The following ARF4 variants were observed in gnomAD, a reference collection of about 807,000 sequenced individuals.
The protein encoded by ARF4 is ADP-ribosylation factor 4.
In ARF4, 5 loss-of-function variants were observed where a neutral mutation model predicts 24.3. The observed-to-expected ratio is 0.21, with a 90% CI of 0.11 to 0.43. ARF4 has a LOEUF of 0.43. Ranked by LOEUF, ARF4 falls within the 20% of genes least tolerant of loss-of-function variation. ARF4 has a pLI of 1.00. For synonymous variants in ARF4, 62 were observed against 73.5 expected, an observed-to-expected ratio of 0.84 and a Z score of 0.80; for missense variants, 107 against 213.0, an observed-to-expected ratio of 0.50 and a Z score of 3.10.
intron 1 of ARF4, among the ~76,000 whole-genome samples, chr3:57,595,312 A>G (rs2070167271): frequency 6.6e-6 from 1 of 152,234 alleles, no homozygotes; most frequent in Admixed American, 6.5e-5. Flanking sequence ...GAACATAACC[A>G]TATATTGTTA....
intron 1 of ARF4, among the ~76,000 whole-genome samples, chr3:57,589,392 C>T (rs1261799298): frequency 1.3e-5 from 2 of 151,982 alleles, no homozygotes; most frequent in Admixed American, 6.6e-5. Flanking sequence ...CACACCACTG[C>T]AATTCAGCGT....
chr3:57,576,492 GT>G (rs2069904149), intron 4 of ARF4, among the ~76,000 whole-genome samples: 1 of 144,336 alleles, frequency 6.9e-6, no homozygotes, highest in African/African-American at 2.6e-5. Flanking sequence ...TGTGAAGTAT[GT>G]CTCAACCAAG....
chr3:57,586,205 A>G (rs570177856), intron 1 of ARF4, among the ~76,000 whole-genome samples: 3 of 152,328 alleles, frequency 2.0e-5, no homozygotes, highest in African/African-American at 7.2e-5. Flanking sequence ...TGTTCTTAGG[A>G]TATCATATCT....
chr3:57,593,259 G>A (rs1439635124), intron 1 of ARF4, among the ~76,000 whole-genome samples: 4 of 151,798 alleles, frequency 2.6e-5, no homozygotes, highest in Non-Finnish European at 4.4e-5. Context: ...ACAGAATAGT[G>A]GAATTACAGA....
At chr3:57,592,713 A>T (rs547899807) in intron 1 of ARF4, among the ~76,000 whole-genome samples, 1 of 152,330 alleles carries the variant, frequency 6.6e-6, no homozygotes, top group Non-Finnish European at 1.5e-5. Flanking sequence ...CCTATCAGCC[A>T]GTGGCATGAA....
At chr3:57,577,488 G>A (rs1334582176) in intron 3 of ARF4, 101 bp from the exon 4 acceptor site, 3 of 857,746 alleles carry the variant, frequency 3.5e-6, no homozygotes, top group African/African-American at 1.7e-5. Flanking sequence ...ACATTAGGAA[G>A]AAAATGTCTC....
At chr3:57,575,342 T>A (rs369839290) in intron 5 of ARF4, among the ~76,000 whole-genome samples, 3 of 151,710 alleles carry the variant, frequency 2.0e-5, no homozygotes, top group Non-Finnish European at 2.9e-5. Context: ...CTATCAATAA[T>A]CTTTAGACCT....
rs555480168 is a variant in ARF4 at position 57,593,998 on chromosome 3, G to A, written c.67+3076C>T. On this transcript the variant is annotated intron_variant, in intron 1 of 5. Transcript: ENST00000303436. Reference sequence around the variant, plus strand: ...TGGCTGGGTGTGATGGCTCATGCTTGTAATCCTAGCACTTTGGGAGGCCAA... The same window carrying A: ...TGGCTGGGTGTGATGGCTCATGCTTATAATCCTAGCACTTTGGGAGGCCAA... Among the ~76,000 whole-genome samples the A allele has an allele frequency of 1.5e-3, 235 of 152,264 alleles. 1 individual carries two copies. Among genetic ancestry groups the A allele is most frequent in the Non-Finnish European group, 2.6e-3 (180 of 68,022 alleles).
intron 4 of ARF4, 129 bp downstream of exon 4, chr3:57,577,184 TTTC>T (rs1290097855): frequency 2.4e-5 from 18 of 743,772 alleles, no homozygotes; most frequent in African/African-American, 2.3e-4. Flanking sequence ...GATAATATAG[TTTC>T]TTAAGTTTAT....
At chr3:57,589,590 C>A (rs191132378) in intron 1 of ARF4, among the ~76,000 whole-genome samples, 1 of 151,198 alleles carries the variant, frequency 6.6e-6, no homozygotes, top group South Asian at 2.1e-4. Context: ...TGGTGGCTGG[C>A]GCCTGTAAAC....
chr3:57,578,893 G>C (rs924467693), intron 3 of ARF4, among the ~76,000 whole-genome samples: 9 of 151,594 alleles, frequency 5.9e-5, no homozygotes, highest in Admixed American at 3.9e-4. Flanking sequence ...CTAGAAAAGG[G>C]GGGGGGCAAA....
At chr3:57,585,020 C>T (rs527705798) in intron 1 of ARF4, among the ~76,000 whole-genome samples, 5 of 152,154 alleles carry the variant, frequency 3.3e-5, no homozygotes, top group African/African-American at 9.6e-5. Context: ...CCCACCACCA[C>T]GCCCGGCTAA....
chr3:57,572,495 AG>A (rs1189595195), intron 5 of ARF4, among the ~76,000 whole-genome samples, 197 bp from the exon 6 acceptor site: 1 of 151,322 alleles, frequency 6.6e-6, no homozygotes, highest in Non-Finnish European at 1.5e-5. Context: ...CGGAGATGGG[AG>A]GATCACTTGA....
intron 3 of ARF4, among the ~76,000 whole-genome samples, chr3:57,580,427 G>A (rs1462010152): frequency 6.6e-6 from 1 of 151,906 alleles, no homozygotes; most frequent in African/African-American, 2.4e-5. Context: ...AAAGAGGCAA[G>A]GTCTCCTTTT....
chr3:57,590,132 T>TAAAA lies in ARF4; in HGVS notation c.68-5672_68-5669dup, dbSNP rs1553731290. 1.9e-3 allele frequency among the ~76,000 whole-genome samples: 255 copies of TAAAA among 136,304 alleles called. 3 individuals carry two copies. Among genetic ancestry groups the TAAAA allele is most frequent in the East Asian group, 8.4e-3 (38 of 4,526 alleles). 89.4% of individuals were successfully genotyped at this position (136,304 alleles called of 152,430 possible). A position where few individuals can be genotyped will look rare whatever the true frequency, so the allele number is the denominator to read the frequency against. ...ATAAATAAATAAATAAATAAATAAA[T>TAAAA]AAAACAAAAAACAAAAAAAGAACAT... On this transcript the variant is annotated intron_variant, in intron 1 of 5. Transcript: ENST00000303436.
At chr3:57,584,564 C>G in intron 1 of ARF4, 100 bp from the exon 2 acceptor site, 2 of 990,866 alleles carry the variant, frequency 2.0e-6, no homozygotes, top group South Asian at 1.5e-5. Context: ...GTTGACTGTT[C>G]AAGACAACTT....
intron 1 of ARF4, among the ~76,000 whole-genome samples, chr3:57,595,846 G>A (rs893341090): frequency 2.0e-5 from 3 of 152,048 alleles, no homozygotes; most frequent in Non-Finnish European, 4.4e-5. Flanking sequence ...AGCTACTCGG[G>A]AGGCTGAGGC....
chr3:57,584,360 A>G, intron 2 of ARF4, 24 bp downstream of exon 2: 7 of 1,541,994 alleles, frequency 4.5e-6, no homozygotes, highest in Non-Finnish European at 6.3e-6. Context: ...ATCATGATAT[A>G]AAGTCATCTG....
At chr3:57,586,284 ACTTT>A (rs111447405) in intron 1 of ARF4, among the ~76,000 whole-genome samples, 20,259 of 152,202 alleles carry the variant, frequency 0.13, 1,427 homozygotes, top group South Asian at 0.21. Context: ...AAGCAAGGAC[ACTTT>A]CTTAATATTT....
Sources: allele counts gnomAD v4.1 joint callset (sites outside exome capture counted in the v4.1 genomes callset), GRCh38; gene constraint gnomAD v4.1.1; transcripts MANE v1.5; gene names NCBI Gene and HGNC (gene_info 2026-07-23, HGNC 2026-07-21).